PTPRT: variants seen among roughly 807,000 people sequenced by gnomAD.
PTPRT encodes the protein receptor-type tyrosine-protein phosphatase T.
Under a neutral mutation model 176.8 loss-of-function variants are expected in PTPRT, and 56 were observed. The observed-to-expected ratio is 0.32, with a 90% CI of 0.26 to 0.40. The LOEUF is 0.40. Among genes scored for constraint, PTPRT ranks in the 10% least tolerant of loss-of-function variants. PTPRT has a pLI of 1.00. For missense variants in PTPRT, 1,540 were observed against 1,908.2 expected (o/e 0.81, Z 3.60); for synonymous variants, 783 against 739.0 (o/e 1.06, Z -0.96).
chr20:42,512,934 A>C (rs1204093964), intron 7 of PTPRT, among the ~76,000 whole-genome samples: 1 of 152,122 alleles, frequency 6.6e-6, no homozygotes, highest in African/African-American at 2.4e-5. Context: ...ATCTTGGCTC[A>C]CCACAACCTC....
intron 7 of PTPRT, among the ~76,000 whole-genome samples, chr20:42,594,422 T>A (rs1883842): frequency 2.6e-5 from 4 of 152,080 alleles, no homozygotes; most frequent in African/African-American, 9.7e-5. Flanking sequence ...CACTTTGTAA[T>A]GTTCGTTCTC....
At chr20:42,052,946 T>C in the PTPRT span, among the ~76,000 whole-genome samples, 4 of 152,158 alleles carry the variant, frequency 2.6e-5, no homozygotes, top group Non-Finnish European at 5.9e-5. Flanking sequence ...AAAAGCCAGA[T>C]AGTAAGTATT....
intron 1 of PTPRT, among the ~76,000 whole-genome samples, chr20:42,979,193 T>C (rs1407582076): frequency 6.6e-6 from 1 of 152,208 alleles, no homozygotes; most frequent in Non-Finnish European, 1.5e-5. Context: ...ACTATGGCAA[T>C]TTTTCTTACA....
chr20:42,044,193 G>A, the PTPRT span, among the ~76,000 whole-genome samples: 50 of 152,350 alleles, frequency 3.3e-4, no homozygotes, highest in African/African-American at 1.2e-3. Context: ...ATGAAGCAGA[G>A]GCCTCCTCCA....
intron 29 of PTPRT, among the ~76,000 whole-genome samples, chr20:42,083,921 G>T (rs775901715): frequency 6.6e-6 from 1 of 152,160 alleles, no homozygotes; most frequent in Non-Finnish European, 1.5e-5. Flanking sequence ...ATACTCCCAG[G>T]ATAGATTCTG....
At chr20:42,470,687 G>A (rs1484389092) in intron 8 of PTPRT, among the ~76,000 whole-genome samples, 1 of 152,010 alleles carries the variant, frequency 6.6e-6, no homozygotes, top group Admixed American at 6.6e-5. Flanking sequence ...GTCAATCTGG[G>A]GCAATCAAGG....
At chr20:42,505,198 C>T (rs929045368) in intron 7 of PTPRT, among the ~76,000 whole-genome samples, 26 of 152,198 alleles carry the variant, frequency 1.7e-4, no homozygotes, top group African/African-American at 4.1e-4. Flanking sequence ...GTAGCATTCA[C>T]GACTTCATTC....
At chr20:42,526,966 T>C (rs541078524) in intron 7 of PTPRT, among the ~76,000 whole-genome samples, 34 of 135,218 alleles carry the variant, frequency 2.5e-4, no homozygotes, top group African/African-American at 8.0e-4. Flanking sequence ...CTTTTTTTTT[T>C]TTTTTTTTTT....
chr20:42,220,029 T>TA (rs997288382), intron 15 of PTPRT, among the ~76,000 whole-genome samples: 13 of 138,604 alleles, frequency 9.4e-5, no homozygotes, highest in Admixed American at 2.3e-4. Flanking sequence ...CTTATCTTTT[T>TA]AAAAAAGTTA....
At chr20:42,257,414 C>A (rs563107247) in intron 13 of PTPRT, among the ~76,000 whole-genome samples, 3 of 152,254 alleles carry the variant, frequency 2.0e-5, no homozygotes, top group Non-Finnish European at 4.4e-5. Flanking sequence ...AAACCCTTCA[C>A]ATATATTCTC....
At chr20:42,303,763 G>A (rs147451420) in intron 12 of PTPRT, among the ~76,000 whole-genome samples, 48 of 152,266 alleles carry the variant, frequency 3.2e-4, no homozygotes, top group Non-Finnish European at 4.7e-4. Flanking sequence ...CCAGAACTAC[G>A]ATGGTGGCAC....
chr20:42,193,901 T>C (rs936609821), intron 16 of PTPRT, among the ~76,000 whole-genome samples: 4 of 152,220 alleles, frequency 2.6e-5, no homozygotes, highest in African/African-American at 9.6e-5. Flanking sequence ...TTTTATTGGA[T>C]ATATCCCCAA....
At chr20:43,083,523 C>T (rs1424330862) in intron 1 of PTPRT, among the ~76,000 whole-genome samples, 1 of 150,980 alleles carries the variant, frequency 6.6e-6, no homozygotes, top group Non-Finnish European at 1.5e-5. Context: ...ACCTGCCTGG[C>T]TCATTTTTGT....
At chr20:42,982,350 A>G (rs533040465) in intron 1 of PTPRT, among the ~76,000 whole-genome samples, 1 of 152,334 alleles carries the variant, frequency 6.6e-6, no homozygotes, top group African/African-American at 2.4e-5. Context: ...TTAATAGAGT[A>G]AACAAACAAG....
intron 6 of PTPRT, among the ~76,000 whole-genome samples, chr20:42,702,187 C>A (rs1198399917): frequency 6.6e-6 from 1 of 152,142 alleles, no homozygotes; most frequent in African/African-American, 2.4e-5. Flanking sequence ...TGTTGCTGAA[C>A]TTTGAACAGA....
chr20:42,951,525 G>C (rs978491092), intron 1 of PTPRT, among the ~76,000 whole-genome samples: 3 of 152,156 alleles, frequency 2.0e-5, no homozygotes, highest in Non-Finnish European at 2.9e-5. Flanking sequence ...CATGTACCAG[G>C]CAAGATGTGA....
rs16985264 is a variant in PTPRT at position 42,612,450 on chromosome 20, T to A, written c.1153+65416A>T. Among the ~76,000 whole-genome samples, 161 of 152,294 alleles carry A rather than the reference T, an allele frequency of 1.1e-3. 4 individuals are homozygous for A. The East Asian group carries it at 0.03, about 28-fold the overall frequency. ...GCCCAGGCAGCAGCTGAGACTCCCC[T>A]GTTACATTACACGTCATCACTCTTT... is the stretch of plus-strand genomic sequence containing the variant. On this transcript the variant is annotated intron_variant, in intron 7 of 30. Coordinates refer to ENST00000373187, the MANE Select transcript of PTPRT (RefSeq NM_007050.6).
rs142428992 is a variant in PTPRT, at chr20:42,865,767, T to C, written c.214+20040A>G. Reference sequence around the variant, plus strand: ...AAGCAACAGCTCCAACAAAGAGGTGTCCCAGGGTGCCAATTCTCCGCAGGG... The same window carrying C: ...AAGCAACAGCTCCAACAAAGAGGTGCCCCAGGGTGCCAATTCTCCGCAGGG... On this transcript the variant is annotated intron_variant, in intron 2 of 30. Coordinates refer to ENST00000373187, the MANE Select transcript of PTPRT (RefSeq NM_007050.6). 1.6e-3 allele frequency among the ~76,000 whole-genome samples: 248 copies of C among 152,162 alleles called. 1 individual carries two copies. The highest frequency in any genetic ancestry group is 5.8e-3 in the African/African-American group (240 of 41,530).
At chr20:42,437,073 T>C (rs2059268524) in intron 9 of PTPRT, among the ~76,000 whole-genome samples, 1 of 152,178 alleles carries the variant, frequency 6.6e-6, no homozygotes. Flanking sequence ...GAAGATGGGA[T>C]GGGGAGACGT....
Sources: allele counts gnomAD v4.1 joint callset (sites outside exome capture counted in the v4.1 genomes callset), GRCh38; gene constraint gnomAD v4.1.1; transcripts MANE v1.5; gene names NCBI Gene and HGNC (gene_info 2026-07-23, HGNC 2026-07-21).